ZNG1B: variants seen among roughly 807,000 people sequenced by gnomAD.
ZNG1B encodes Zn regulated GTPase metalloprotein activator 1B.
the ZNG1B span, among the ~76,000 whole-genome samples, chr2:113,475,489 A>C: frequency 6.7e-6 from 1 of 149,596 alleles, no homozygotes; most frequent in Non-Finnish European, 1.5e-5. Context: ...GTCCATTTAC[A>C]TTTAAAGTTA....
the ZNG1B span, among the ~76,000 whole-genome samples, chr2:113,482,540 T>TG: frequency 1.2e-5 from 1 of 80,144 alleles, no homozygotes; most frequent in Non-Finnish European, 2.4e-5. Context: ...AAAAGCAGCC[T>TG]GGGGGTTCTA....
chr2:113,476,811 C>T, the ZNG1B span, among the ~76,000 whole-genome samples: 4 of 152,246 alleles, frequency 2.6e-5, no homozygotes, highest in African/African-American at 9.6e-5. Flanking sequence ...CTAGGGAGTG[C>T]CTCCCAGTTA....
the ZNG1B span, chr2:113,494,742 A>G: frequency 9.1e-5 from 83 of 913,320 alleles, 13 homozygotes; most frequent in Non-Finnish European, 1.0e-4. Context: ...TAACTTCTCA[A>G]CTTTTCCCAC....
the ZNG1B span, chr2:113,437,740 A>T: frequency 6.6e-7 from 1 of 1,525,310 alleles, no homozygotes; most frequent in South Asian, 1.2e-5. Context: ...GGGCGGGATC[A>T]GCGAGCGTCG....
chr2:113,473,286 T>G, the ZNG1B span, among the ~76,000 whole-genome samples: 1 of 149,096 alleles, frequency 6.7e-6, no homozygotes, highest in African/African-American at 2.5e-5. Context: ...GGCTCTCTGT[T>G]TGTCTGTTGT....
the ZNG1B span, chr2:113,460,618 A>G: frequency 7.9e-6 from 12 of 1,514,038 alleles, no homozygotes; most frequent in Middle Eastern, 2.4e-4. Flanking sequence ...CTTTGTGTTG[A>G]CATTAGATTT....
chr2:113,474,345 AT>A, the ZNG1B span, among the ~76,000 whole-genome samples: 1 of 148,366 alleles, frequency 6.7e-6, no homozygotes, highest in African/African-American at 2.5e-5. Flanking sequence ...CCCCTTTATC[AT>A]TTTTTATTGC....
chr2:113,470,678 A>G, the ZNG1B span: 37 of 283,926 alleles, frequency 1.3e-4, no homozygotes, highest in Non-Finnish European at 2.4e-4. Flanking sequence ...GGTATCTGGA[A>G]TGTACCTATT....
chr2:113,455,659 T>G, the ZNG1B span: 1 of 1,285,690 alleles, frequency 7.8e-7, no homozygotes, highest in South Asian at 1.2e-5. Flanking sequence ...TTCTTAGAAG[T>G]TTAAATTCAG....
chr2:113,444,909 A>G, the ZNG1B span: 1 of 1,603,384 alleles, frequency 6.2e-7, no homozygotes. Flanking sequence ...GTTTATAATA[A>G]TCACTTCAAA....
chr2:113,455,522 A>G, the ZNG1B span: 1 of 1,125,726 alleles, frequency 8.9e-7, no homozygotes, highest in African/African-American at 1.6e-5. Context: ...GTATGTTGTT[A>G]CATACAGTAA....
At chr2:113,478,737 T>C in the ZNG1B span, among the ~76,000 whole-genome samples, 2 of 151,922 alleles carry the variant, frequency 1.3e-5, no homozygotes, top group Non-Finnish European at 2.9e-5. Context: ...TAGTGTTTTA[T>C]TGGACCCCTT....
chr2:113,463,383 T>G, the ZNG1B span, among the ~76,000 whole-genome samples: 1 of 152,278 alleles, frequency 6.6e-6, no homozygotes, highest in South Asian at 2.1e-4. Flanking sequence ...TCTACTGACA[T>G]TAGATTTTGA....
the ZNG1B span, among the ~76,000 whole-genome samples, chr2:113,475,617 G>C: frequency 6.6e-6 from 1 of 151,900 alleles, no homozygotes; most frequent in Admixed American, 6.6e-5. Flanking sequence ...TGATTCTGCA[G>C]TGGCTGGTAC....
the ZNG1B span, chr2:113,444,129 T>G: frequency 2.3e-6 from 1 of 428,544 alleles, no homozygotes. Flanking sequence ...CATGAAAGTC[T>G]CATATGTAAA....
the ZNG1B span, among the ~76,000 whole-genome samples, chr2:113,489,664 G>A: frequency 6.6e-6 from 1 of 152,104 alleles, no homozygotes; most frequent in African/African-American, 2.4e-5. Context: ...TAAAGGGATG[G>A]ACCAAGACAT....
the ZNG1B span, chr2:113,454,708 T>A: frequency 6.4e-7 from 1 of 1,569,200 alleles, no homozygotes; most frequent in African/African-American, 1.3e-5. Context: ...ACATTCTTTT[T>A]AAAAAGTGAT....
chr2:113,494,463 A>C, the ZNG1B span: 1 of 712,398 alleles, frequency 1.4e-6, no homozygotes, highest in Non-Finnish European at 1.7e-6. Flanking sequence ...AGTGATTCTA[A>C]AGTGTATGCT....
the ZNG1B span, chr2:113,471,002 C>G: frequency 6.3e-7 from 1 of 1,579,224 alleles, no homozygotes; most frequent in Non-Finnish European, 8.5e-7. Context: ...ACAGAATTTC[C>G]AACTGCTCAC....
Sources: allele counts gnomAD v4.1 joint callset (sites outside exome capture counted in the v4.1 genomes callset), GRCh38; gene constraint gnomAD v4.1.1; transcripts MANE v1.5; gene names NCBI Gene and HGNC (gene_info 2026-07-23, HGNC 2026-07-21).